ZNF469: variants seen among roughly 807,000 people sequenced by gnomAD.
ZNF469 encodes the protein zinc finger protein 469.
ZNF469 carries 1 observed loss-of-function variant against 1.0 expected under a neutral mutation model. The observed-to-expected ratio is 1.00, with a 90% CI of 0.35 to 4.73. The LOEUF (loss-of-function observed/expected upper bound fraction) is 4.73. ZNF469 is among the 30% of genes most tolerant of loss of function. The pLI, the probability that ZNF469 is intolerant of heterozygous loss-of-function variation, is 0.16. For missense variants in ZNF469, 6,100 were observed against 5,356.3 expected, an observed-to-expected ratio of 1.14 and a Z score of -4.33; for synonymous variants, 2,703 against 2,363.4, an observed-to-expected ratio of 1.14 and a Z score of -4.17.
chr16:88,148,773 C>T, the ZNF469 span, among the ~76,000 whole-genome samples: 1 of 152,266 alleles, frequency 6.6e-6, no homozygotes, highest in African/African-American at 2.4e-5. Flanking sequence ...TGTTGGGAGG[C>T]GTCGTGCTGG....
the ZNF469 span, among the ~76,000 whole-genome samples, chr16:88,197,625 C>G: frequency 6.6e-6 from 1 of 152,222 alleles, no homozygotes; most frequent in African/African-American, 2.4e-5. Flanking sequence ...CACTTACCCT[C>G]CCCATGGTTC....
chr16:88,187,833 T>G, the ZNF469 span, among the ~76,000 whole-genome samples: 1 of 152,058 alleles, frequency 6.6e-6, no homozygotes. Flanking sequence ...AACTCTTAGT[T>G]TCCCTGTTTA....
chr16:88,403,833 G>A (rs927997214), intron 1 of ZNF469, among the ~76,000 whole-genome samples: 1 of 152,094 alleles, frequency 6.6e-6, no homozygotes, highest in Non-Finnish European at 1.5e-5. Context: ...CTCAGCTCAG[G>A]TGCCCCCTCC....
chr16:88,140,372 G>C, the ZNF469 span, among the ~76,000 whole-genome samples: 1 of 149,678 alleles, frequency 6.7e-6, no homozygotes, highest in South Asian at 2.1e-4. Context: ...GTAGAAATCG[G>C]GGGGTAGCAC....
chr16:88,433,605 C>T lies in ZNF469; in HGVS notation c.6135C>T (p.Ala2045=), dbSNP rs1183607335. ...AGAAATGCAAGGGAAGCAGGGCAGC[C>T]ATGAGCCTTCAGGAGGAGGCCGAGC... The part of the protein sequence containing the change: ...LLEKCKGSRA[A]MSLQEEAEPT... The change falls in exon 3 of 3, where the codon GCC becomes GCT. Residue 2045 remains alanine (A), a synonymous_variant. Transcript: ENST00000565624. The T allele has an allele frequency of 3.2e-6, 5 of 1,550,216 alleles. No homozygotes were observed. The African/African-American group carries it at 5.5e-5, about 17-fold the overall frequency.
Position 88,391,770 on chromosome 16 carries a change from G to A in ZNF469, c.-192+8516G>A, listed in dbSNP as rs376780602. On this transcript the variant is annotated intron_variant, in intron 1 of 2. Coordinates refer to ENST00000565624, the MANE Select transcript of ZNF469 (RefSeq NM_001367624.2). ...ATCGGCTTTCAAGAGAAGCCTGACT[G>A]AACTTTTCTGTAACATCTCTTGGCT... is the stretch of plus-strand genomic sequence containing the variant. 2.6e-3 allele frequency among the ~76,000 whole-genome samples: 394 copies of A among 152,314 alleles called. 4 individuals carry two copies. The highest frequency in any genetic ancestry group is 9.2e-3 in the African/African-American group (381 of 41,566).
chr16:88,195,638 C>T, the ZNF469 span, among the ~76,000 whole-genome samples: 5 of 152,138 alleles, frequency 3.3e-5, no homozygotes, highest in South Asian at 2.1e-4. Context: ...TAACAGTCCT[C>T]GAGAGGGCAT....
the ZNF469 span, among the ~76,000 whole-genome samples, chr16:88,160,785 T>C: frequency 6.6e-6 from 1 of 152,076 alleles, no homozygotes; most frequent in Non-Finnish European, 1.5e-5. Context: ...CCCAGCAGCC[T>C]GCGAGATACA....
chr16:88,279,843 T>C, the ZNF469 span, among the ~76,000 whole-genome samples: 4,758 of 74,740 alleles, frequency 0.064, 770 homozygotes, highest in Non-Finnish European at 0.084. Context: ...GTTAGTGCTG[T>C]GCCATGCTGA....
chr16:88,421,970 G>T lies in ZNF469; in HGVS notation c.-191-2837G>T, dbSNP rs1402026516. Reference sequence around the variant, plus strand: ...GTAAAGACTTGTGGATGGATGGGTGGGTGGGTGGATGAGTGGGTAGATTAG... The same window carrying T: ...GTAAAGACTTGTGGATGGATGGGTGTGTGGGTGGATGAGTGGGTAGATTAG... On this transcript the variant is annotated intron_variant, in intron 1 of 2. Coordinates refer to ENST00000565624, the MANE Select transcript of ZNF469 (RefSeq NM_001367624.2). Among the ~76,000 whole-genome samples the T allele has an allele frequency of 2.0e-5, 3 of 152,240 alleles. No homozygotes were observed. In the East Asian group the frequency reaches 5.8e-4, roughly 29 times the overall value.
At chr16:88,396,157 G>C (rs1444812658) in intron 1 of ZNF469, among the ~76,000 whole-genome samples, 1 of 152,270 alleles carries the variant, frequency 6.6e-6, no homozygotes, top group African/African-American at 2.4e-5. Flanking sequence ...GCGAGTGACA[G>C]AAACACAACT....
At chr16:88,274,559 G>A in the ZNF469 span, among the ~76,000 whole-genome samples, 2 of 152,104 alleles carry the variant, frequency 1.3e-5, no homozygotes, top group Middle Eastern at 3.2e-3. Flanking sequence ...GCTGGTGTCC[G>A]GGCGGGGCCC....
At chr16:88,274,617 A>G in the ZNF469 span, among the ~76,000 whole-genome samples, 4 of 152,324 alleles carry the variant, frequency 2.6e-5, no homozygotes, top group African/African-American at 4.8e-5. Context: ...CTCTGGTGAC[A>G]TGCGTGTGCT....
the ZNF469 span, among the ~76,000 whole-genome samples, chr16:88,303,748 C>G: frequency 1.8e-4 from 28 of 152,292 alleles, no homozygotes; most frequent in African/African-American, 6.7e-4. Flanking sequence ...GTTTGACTCC[C>G]CCTGAAATCC....
chr16:88,397,670 A>T (rs1461874946), intron 1 of ZNF469, among the ~76,000 whole-genome samples: 1 of 150,072 alleles, frequency 6.7e-6, no homozygotes, highest in Non-Finnish European at 1.5e-5. Flanking sequence ...AGATAGATAG[A>T]TAGATAGATA....
chr16:88,247,876 T>C, the ZNF469 span, among the ~76,000 whole-genome samples: 5 of 152,250 alleles, frequency 3.3e-5, no homozygotes, highest in Non-Finnish European at 5.9e-5. Context: ...GCTCCCATGG[T>C]TGGGTCATGT....
At chr16:88,404,382 G>T (rs925409177) in intron 1 of ZNF469, among the ~76,000 whole-genome samples, 12 of 152,362 alleles carry the variant, frequency 7.9e-5, no homozygotes, top group African/African-American at 2.9e-4. Flanking sequence ...GGCGGTGCGT[G>T]TGCTGTTAGT....
rs543669472 is a variant in ZNF469, at chr16:88,431,229, G to C, written c.3759G>C (p.Ala1253=). The C allele has an allele frequency of 6.5e-7, 1 of 1,550,366 alleles. No individual in the cohort carries two copies. The highest frequency in any genetic ancestry group is 8.7e-7 in the Non-Finnish European group (1 of 1,146,970). ...TGCGTTCTCCTCCAGCCGCCTGTGC[G>C]GGAGAAATGGGAGCAAGCCCCGGTC... ...EALRSPPAAC[A]GEMGASPGLL... Residue 1253 remains alanine, a synonymous_variant, in exon 3 of 3, where the codon GCG becomes GCC. Coordinates refer to ENST00000565624, the MANE Select transcript of ZNF469 (RefSeq NM_001367624.2).
chr16:88,109,204 G>A, the ZNF469 span, among the ~76,000 whole-genome samples: 2 of 152,132 alleles, frequency 1.3e-5, no homozygotes, highest in African/African-American at 4.8e-5. Flanking sequence ...TTCCATTCAG[G>A]ACACCCACAG....
Sources: allele counts gnomAD v4.1 joint callset (sites outside exome capture counted in the v4.1 genomes callset), GRCh38; gene constraint gnomAD v4.1.1; transcripts MANE v1.5; gene names NCBI Gene and HGNC (gene_info 2026-07-23, HGNC 2026-07-21).